The following FARS2 variants were observed in gnomAD, a reference collection of about 807,000 sequenced individuals.
FARS2 encodes phenylalanine--tRNA ligase, mitochondrial.
Under a neutral mutation model 46.4 loss-of-function variants are expected in FARS2, and 40 were observed. The observed-to-expected ratio is 0.86, with a 90% CI of 0.67 to 1.12. The LOEUF is 1.12. Among genes scored for constraint, FARS2 ranks in the 50% most tolerant of loss-of-function variants. The pLI, the probability that FARS2 is intolerant of heterozygous loss-of-function variation, is 0.00. For synonymous variants in FARS2, 234 were observed against 214.9 expected, an observed-to-expected ratio of 1.09 and a Z score of -0.78; for missense variants, 513 against 567.9, an observed-to-expected ratio of 0.90 and a Z score of 0.98.
At position 5,338,841 on chromosome 6, in the gene FARS2, G is replaced by A. The variant is rs140380299; in HGVS notation, c.-21-29709G>A. 6.3e-3 allele frequency among the ~76,000 whole-genome samples: 955 copies of A among 152,258 alleles called. 2 individuals are homozygous for A. Among genetic ancestry groups the A allele is most frequent in the Non-Finnish European group, 9.7e-3 (657 of 68,028 alleles). ...CAGGGCTGCTGTACTTTGGTGCTCA[G>A]TGCCTTGGAACATGCAGTTTTCTTG... On this transcript the variant is annotated intron_variant, in intron 1 of 6. Coordinates refer to ENST00000274680, the MANE Select transcript of FARS2 (RefSeq NM_006567.5).
chr6:5,565,260 G>A (rs2150547431), intron 5 of FARS2, among the ~76,000 whole-genome samples: 1 of 152,276 alleles, frequency 6.6e-6, no homozygotes, highest in East Asian at 1.9e-4. Context: ...AGTATTCCAA[G>A]CAAAAGTTAA....
chr6:5,701,165 C>T (rs1182960920), intron 6 of FARS2, among the ~76,000 whole-genome samples: 1 of 152,230 alleles, frequency 6.6e-6, no homozygotes, highest in Non-Finnish European at 1.5e-5. Context: ...TCACCGTGGG[C>T]GCCAGCCTTG....
chr6:5,324,325 TTTTG>T (rs1342057463), intron 1 of FARS2, among the ~76,000 whole-genome samples: 3 of 152,312 alleles, frequency 2.0e-5, no homozygotes, highest in Non-Finnish European at 4.4e-5. Context: ...TCTGGGATTT[TTTTG>T]TTTGTTTTGC....
intron 1 of FARS2, among the ~76,000 whole-genome samples, chr6:5,307,964 C>G (rs1171276852): frequency 6.6e-6 from 1 of 152,080 alleles, no homozygotes; most frequent in African/African-American, 2.4e-5. Flanking sequence ...TTTGACCTTA[C>G]TACTGCTTCA....
intron 2 of FARS2, among the ~76,000 whole-genome samples, chr6:5,380,233 C>G (rs1759666214): frequency 6.6e-6 from 1 of 152,098 alleles, no homozygotes; most frequent in Admixed American, 6.6e-5. Flanking sequence ...CAAAGAAAAA[C>G]AGATTAATAT....
intron 4 of FARS2, among the ~76,000 whole-genome samples, chr6:5,488,795 T>A (rs1230336873): frequency 6.6e-6 from 1 of 152,164 alleles, no homozygotes; most frequent in Non-Finnish European, 1.5e-5. Context: ...ACTCCGCATA[T>A]CTAAATCTGA....
chr6:5,416,353 G>A (rs1394596969), intron 3 of FARS2, among the ~76,000 whole-genome samples: 2 of 152,102 alleles, frequency 1.3e-5, no homozygotes, highest in African/African-American at 4.8e-5. Flanking sequence ...TTTCCATATT[G>A]ATATCCAGTT....
At chr6:5,404,933 G>C (rs1761478747) in intron 3 of FARS2, among the ~76,000 whole-genome samples, 1 of 151,828 alleles carries the variant, frequency 6.6e-6, no homozygotes, top group South Asian at 2.1e-4. Flanking sequence ...TGAGTAGCTG[G>C]GATTATAGGC....
chr6:5,456,728 C>A (rs1466655350), intron 4 of FARS2, among the ~76,000 whole-genome samples: 1 of 9,246 alleles, frequency 1.1e-4, no homozygotes, highest in East Asian at 0.022. Context: ...GAGACTCCAT[C>A]TCAAAAAAAA....
At position 5,700,640 on chromosome 6, in the gene FARS2, C is replaced by T. The variant is rs551227745; in HGVS notation, c.1218-70651C>T. On this transcript the variant is annotated intron_variant, in intron 6 of 6. Transcript: ENST00000274680. ...CTCGAACTCCGGACTTTGTGATGCA[C>T]CCGCCTCGGCCTCCCAAAGTGCTGG... is the stretch of plus-strand genomic sequence containing the variant. Among the ~76,000 whole-genome samples, 24 of 152,300 alleles carry T rather than the reference C, an allele frequency of 1.6e-4. 1 individual carries two copies. The highest frequency in any genetic ancestry group is 5.8e-4 in the African/African-American group (24 of 41,572).
At chr6:5,627,364 A>G (rs1776087196) in intron 6 of FARS2, among the ~76,000 whole-genome samples, 1 of 152,276 alleles carries the variant, frequency 6.6e-6, no homozygotes, top group African/African-American at 2.4e-5. Context: ...TAAGATGAAG[A>G]AAGAGGAAAC....
intron 6 of FARS2, among the ~76,000 whole-genome samples, chr6:5,749,002 G>C (rs1184859829): frequency 6.6e-6 from 1 of 152,194 alleles, no homozygotes; most frequent in African/African-American, 2.4e-5. Context: ...GCTATGGCTT[G>C]GTTTATAGCC....
At chr6:5,392,218 C>G (rs926047259) in intron 2 of FARS2, among the ~76,000 whole-genome samples, 3 of 152,138 alleles carry the variant, frequency 2.0e-5, no homozygotes, top group African/African-American at 7.2e-5. Context: ...CCTTATATGG[C>G]ATTGGTTAAT....
intron 6 of FARS2, among the ~76,000 whole-genome samples, chr6:5,721,410 T>C (rs1237651605): frequency 6.6e-6 from 1 of 152,230 alleles, no homozygotes; most frequent in Non-Finnish European, 1.5e-5. Context: ...AGTAGTAGTT[T>C]TTTAAAAGTT....
chr6:5,732,883 C>T (rs1476428759), intron 6 of FARS2, among the ~76,000 whole-genome samples: 1 of 152,120 alleles, frequency 6.6e-6, no homozygotes, highest in East Asian at 1.9e-4. Flanking sequence ...CACATCACTT[C>T]CACAGTTGCT....
chr6:5,395,534 C>A (rs1462428139), intron 2 of FARS2, among the ~76,000 whole-genome samples: 1 of 152,140 alleles, frequency 6.6e-6, no homozygotes, highest in Non-Finnish European at 1.5e-5. Flanking sequence ...TACCTGGAGC[C>A]ACATTTTGAC....
At chr6:5,312,088 C>T (rs1769117022) in intron 1 of FARS2, among the ~76,000 whole-genome samples, 1 of 152,132 alleles carries the variant, frequency 6.6e-6, no homozygotes, top group Non-Finnish European at 1.5e-5. Flanking sequence ...TGTAGAATGT[C>T]TGAAACTTAC....
chr6:5,634,376 C>T (rs1776439488), intron 6 of FARS2, among the ~76,000 whole-genome samples: 1 of 152,200 alleles, frequency 6.6e-6, no homozygotes, highest in Admixed American at 6.5e-5. Flanking sequence ...GATCACAGTT[C>T]ACTGCAGCCT....
At chr6:5,692,293 G>A (rs1408311675) in intron 6 of FARS2, among the ~76,000 whole-genome samples, 2 of 152,196 alleles carry the variant, frequency 1.3e-5, no homozygotes, top group Non-Finnish European at 2.9e-5. Flanking sequence ...GCTGGGAGCT[G>A]CAGACTGGAG....
Sources: allele counts gnomAD v4.1 joint callset (sites outside exome capture counted in the v4.1 genomes callset), GRCh38; gene constraint gnomAD v4.1.1; transcripts MANE v1.5; gene names NCBI Gene and HGNC (gene_info 2026-07-23, HGNC 2026-07-21).